Variants in MYH10 observed in about 807,000 individuals in gnomAD.
MYH10 encodes myosin heavy chain 10, also known as myosin-10.
Under a neutral mutation model 257.8 loss-of-function variants are expected in MYH10, and 55 were observed. That is an observed-to-expected ratio of 0.21 (90% CI 0.17 to 0.27). MYH10 has a LOEUF of 0.27. Among genes scored for constraint, MYH10 ranks in the 10% least tolerant of loss-of-function variants. The pLI, the probability that MYH10 is intolerant of heterozygous loss-of-function variation, is 1.00. For missense variants in MYH10, 1,631 were observed against 2,500.6 expected, an observed-to-expected ratio of 0.65 and a Z score of 7.42; for synonymous variants, 854 against 921.7, an observed-to-expected ratio of 0.93 and a Z score of 1.33.
rs929191939 is a variant in MYH10, at chr17:8,535,641, T to C, written c.1779+117A>G. 2 of 1,237,916 alleles carry C rather than the reference T, an allele frequency of 1.6e-6. No individual in the cohort carries two copies. Among genetic ancestry groups the C allele is most frequent in the African/African-American group, 1.5e-5 (1 of 65,982 alleles). 76.7% of individuals were successfully genotyped at this position (1,237,916 alleles called of 1,614,324 possible). On this transcript the variant is annotated intron_variant, in intron 15 of 42. Transcript: ENST00000360416. This position sits in a 1 kb window ranked among gnomAD's most constrained non-coding sequence, Gnocchi z 4.3. ...TGTCTGAAAGACAATATGTTTGTAATATATACTGTATTTGTTTATAAATGT... is the reference window on the plus strand; with the variant it reads ...TGTCTGAAAGACAATATGTTTGTAACATATACTGTATTTGTTTATAAATGT...
chr17:8,590,152 A>T (rs1226225339), intron 3 of MYH10, among the ~76,000 whole-genome samples: 2 of 152,220 alleles, frequency 1.3e-5, no homozygotes, highest in Non-Finnish European at 2.9e-5. Flanking sequence ...ATTTCACAGC[A>T]GTTAGGCATA....
At chr17:8,505,456 G>A (rs1001701288) in intron 27 of MYH10, among the ~76,000 whole-genome samples, 5 of 152,304 alleles carry the variant, frequency 3.3e-5, no homozygotes, top group East Asian at 1.9e-4. Flanking sequence ...TAGTTGGGAT[G>A]TTTGAGGTAA....
At position 8,616,386 on chromosome 17, in the gene MYH10, A is replaced by T. The variant is rs137909749; in HGVS notation, c.345+6516T>A. Reference sequence around the variant, plus strand: ...ACAGAATTTTCGGCTAAACTATAATAACCAATAAGTAAACTTAGGTCACTG... The same window carrying T: ...ACAGAATTTTCGGCTAAACTATAATTACCAATAAGTAAACTTAGGTCACTG... On this transcript the variant is annotated intron_variant, in intron 2 of 42. Transcript: ENST00000360416. 8.9e-4 allele frequency among the ~76,000 whole-genome samples: 135 copies of T among 152,332 alleles called. 1 individual carries two copies. Among genetic ancestry groups the T allele is most frequent in the African/African-American group, 3.1e-3 (127 of 41,578 alleles).
intron 36 of MYH10, among the ~76,000 whole-genome samples, chr17:8,486,543 CAAA>C (rs67844660): frequency 2.5e-4 from 30 of 120,722 alleles, no homozygotes; most frequent in African/African-American, 7.8e-4. Flanking sequence ...TATTTAGCTT[CAAA>C]AAAAAAAAAA....
chr17:8,528,351 C>T (rs2081914066), intron 17 of MYH10, among the ~76,000 whole-genome samples: 1 of 152,128 alleles, frequency 6.6e-6, no homozygotes, highest in Non-Finnish European at 1.5e-5. Flanking sequence ...TTTGCTGGTT[C>T]ACTCTGCTTG....
chr17:8,572,752 T>C (rs1241144498), intron 6 of MYH10, among the ~76,000 whole-genome samples: 1 of 152,164 alleles, frequency 6.6e-6, no homozygotes, highest in African/African-American at 2.4e-5. Flanking sequence ...GATAGTGTCA[T>C]GGTATCACTC....
At chr17:8,519,026 C>T in intron 19 of MYH10, 76 bp from the exon 20 acceptor site, 3 of 1,140,010 alleles carry the variant, frequency 2.6e-6, no homozygotes, top group African/African-American at 1.6e-5. Flanking sequence ...GTGTTTTGCT[C>T]TAAGAGGCAA....
At chr17:8,585,240 A>ATGTG (rs140156237) in intron 4 of MYH10, among the ~76,000 whole-genome samples, 1 of 140,144 alleles carries the variant, frequency 7.1e-6, no homozygotes, top group Non-Finnish European at 1.5e-5. Flanking sequence ...GTGTGTATAT[A>ATGTG]TGTGTATATA....
chr17:8,625,875 T>C (rs1221363315), intron 1 of MYH10, among the ~76,000 whole-genome samples: 1 of 152,190 alleles, frequency 6.6e-6, no homozygotes, highest in Non-Finnish European at 1.5e-5. Context: ...CAAAGTTCTG[T>C]GGTTGCCATG....
At chr17:8,620,980 A>G (rs1189985446) in intron 2 of MYH10, among the ~76,000 whole-genome samples, 1 of 152,232 alleles carries the variant, frequency 6.6e-6, no homozygotes, top group Non-Finnish European at 1.5e-5. Context: ...AGATAACTGT[A>G]AAATCTCTGA....
At chr17:8,479,327 A>AG (rs1258165100) in intron 40 of MYH10, among the ~76,000 whole-genome samples, 2 of 152,192 alleles carry the variant, frequency 1.3e-5, no homozygotes, top group Non-Finnish European at 2.9e-5. Context: ...TCCCATATGA[A>AG]GGAGAGGTAA....
chr17:8,602,333 T>C (rs2084640221), intron 3 of MYH10, among the ~76,000 whole-genome samples: 1 of 152,194 alleles, frequency 6.6e-6, no homozygotes, highest in Non-Finnish European at 1.5e-5. Context: ...GAATCTAAAA[T>C]GATAGATCAG....
At chr17:8,511,133 C>T (rs1350530166) in intron 24 of MYH10, 1 of 148,312 alleles carries the variant, frequency 6.7e-6, no homozygotes, top group Non-Finnish European at 1.5e-5. Flanking sequence ...CAAAGTGTTA[C>T]AGCTCTTTTA....
chr17:8,612,270 C>A (rs1052434257), intron 2 of MYH10, among the ~76,000 whole-genome samples: 8 of 151,030 alleles, frequency 5.3e-5, no homozygotes, highest in Non-Finnish European at 1.2e-4. Context: ...CAAAGAGAAG[C>A]CACAAAGTGC....
At chr17:8,478,307 G>A (rs376408177) in intron 41 of MYH10, 31 bp downstream of exon 41, 32 of 1,577,456 alleles carry the variant, frequency 2.0e-5, no homozygotes, top group African/African-American at 4.1e-5. Flanking sequence ...CTTTGCTCAC[G>A]CGCTTCCCAG....
intron 4 of MYH10, 59 bp downstream of exon 4, chr17:8,589,022 T>C (rs1162858249): frequency 9.0e-6 from 14 of 1,550,072 alleles, no homozygotes; most frequent in South Asian, 5.7e-5. Flanking sequence ...CAGACAAAAA[T>C]AGTTGCTCCA....
At chr17:8,537,361 A>G (rs1046390131) in intron 14 of MYH10, among the ~76,000 whole-genome samples, 2 of 152,230 alleles carry the variant, frequency 1.3e-5, no homozygotes, top group Admixed American at 6.5e-5. Context: ...GCTAGAGGCT[A>G]TGGTTAAATA....
intron 32 of MYH10, 37 bp downstream of exon 32, chr17:8,493,696 A>G (rs1916119184): frequency 6.3e-7 from 1 of 1,584,564 alleles, no homozygotes; most frequent in Admixed American, 1.8e-5. Flanking sequence ...GAAGGCACAC[A>G]TCGAGGCCAC....
rs770553418 is a variant in MYH10 at position 8,475,942 on chromosome 17, A to C, written c.5886T>G (p.Gly1962=). The C allele has an allele frequency of 2.5e-6, 4 of 1,612,690 alleles. No individual in the cohort carries two copies. Among genetic ancestry groups the C allele is most frequent in the South Asian group, 1.1e-5 (1 of 91,010 alleles). ...VSTLKNRLRR[G]GPISFSSSRS... is the part of the protein sequence containing the mutation. ...GGCTGGAAGAGAAGCTGATGGGGCCACCCCGCCTGGAGAACACAGGAAGCA... is the reference window on the plus strand; with the variant it reads ...GGCTGGAAGAGAAGCTGATGGGGCCCCCCCGCCTGGAGAACACAGGAAGCA... Residue 1962 remains glycine, a synonymous_variant, in exon 43 of 43, where the codon GGT becomes GGG. Transcript: ENST00000360416.
Sources: allele counts gnomAD v4.1 joint callset (sites outside exome capture counted in the v4.1 genomes callset), GRCh38; gene constraint gnomAD v4.1.1; non-coding constraint Gnocchi (gnomAD v3.1); transcripts MANE v1.5; gene names NCBI Gene and HGNC (gene_info 2026-07-23, HGNC 2026-07-21).